DACH1: variants seen among roughly 807,000 people sequenced by gnomAD.
DACH1 encodes the protein dachshund family transcription factor 1.
DACH1 carries 12 observed loss-of-function variants against 54.2 expected under a neutral mutation model. That is an observed-to-expected ratio of 0.22 (90% CI 0.14 to 0.36). The LOEUF (loss-of-function observed/expected upper bound fraction) is 0.36, where lower values mean the gene tolerates loss of function less well. DACH1 is among the 10% of genes least tolerant of loss of function. DACH1 has a pLI of 1.00. For synonymous variants in DACH1, 386 were observed against 366.2 expected (o/e 1.05, Z -0.62); for missense variants, 805 against 929.8 (o/e 0.87, Z 1.75).
intron 1 of DACH1, among the ~76,000 whole-genome samples, chr13:71,724,529 A>G (rs1220687245): frequency 2.0e-5 from 3 of 152,178 alleles, no homozygotes; most frequent in South Asian, 2.1e-4. Flanking sequence ...AACTTGTTCA[A>G]AATAACTTGG....
intron 1 of DACH1, among the ~76,000 whole-genome samples, chr13:71,783,574 A>G (rs1333156992): frequency 6.6e-6 from 1 of 152,160 alleles, no homozygotes; most frequent in African/African-American, 2.4e-5. Context: ...GAACCAGAAT[A>G]CAGAAACGAT....
chr13:71,463,214 C>T (rs957032385), intron 10 of DACH1, among the ~76,000 whole-genome samples: 2 of 151,842 alleles, frequency 1.3e-5, no homozygotes, highest in African/African-American at 4.8e-5. Flanking sequence ...TCTGTATTGG[C>T]ATTTATTGTG....
At chr13:71,535,571 G>A (rs1274778325) in intron 6 of DACH1, among the ~76,000 whole-genome samples, 1 of 151,640 alleles carries the variant, frequency 6.6e-6, no homozygotes, top group African/African-American at 2.4e-5. Context: ...GGTTAAAAAA[G>A]GTTTAAATAA....
intron 1 of DACH1, among the ~76,000 whole-genome samples, chr13:71,864,749 C>A (rs1874601572): frequency 6.7e-6 from 1 of 149,398 alleles, no homozygotes; most frequent in South Asian, 2.2e-4. Context: ...CCCACTCCCG[C>A]CCCCTCTTGG....
intron 3 of DACH1, among the ~76,000 whole-genome samples, chr13:71,598,173 T>C (rs1198773485): frequency 1.3e-5 from 2 of 152,166 alleles, no homozygotes; most frequent in African/African-American, 2.4e-5. Flanking sequence ...TTTTGTTTCA[T>C]TGGACCACAG....
intron 6 of DACH1, among the ~76,000 whole-genome samples, chr13:71,550,980 T>C (rs951083727): frequency 6.6e-6 from 1 of 152,112 alleles, no homozygotes; most frequent in South Asian, 2.1e-4. Flanking sequence ...GGCCCTATAA[T>C]ATGTGTTAAC....
rs999914405 is a variant in DACH1 at position 71,674,201 on chromosome 13, C to G, written c.964+7594G>C. On this transcript the variant is annotated intron_variant, in intron 2 of 10. Transcript: ENST00000613252. Reference sequence around the variant, plus strand: ...TTCTGTGTGCATATCTACCATACCCCACCTGGACTTCTCATAATACTTAGC... The same window carrying G: ...TTCTGTGTGCATATCTACCATACCCGACCTGGACTTCTCATAATACTTAGC... Among the ~76,000 whole-genome samples the G allele has an allele frequency of 3.9e-5, 6 of 152,136 alleles. No individual in the cohort carries two copies. In the South Asian group the frequency reaches 6.2e-4, roughly 16 times the overall value.
At chr13:71,661,121 C>T (rs920372263) in intron 2 of DACH1, among the ~76,000 whole-genome samples, 33 of 150,904 alleles carry the variant, frequency 2.2e-4, no homozygotes, top group Admixed American at 4.0e-4. Context: ...CAAAGAATAA[C>T]AGTAATACTA....
At chr13:71,562,624 C>T (rs1276009275) in intron 4 of DACH1, among the ~76,000 whole-genome samples, 4 of 151,978 alleles carry the variant, frequency 2.6e-5, no homozygotes, top group Non-Finnish European at 5.9e-5. Context: ...GTTACTTTTC[C>T]AAGCTAACAA....
chr13:71,459,948 G>T (rs1566271962), intron 10 of DACH1, among the ~76,000 whole-genome samples: 1 of 151,914 alleles, frequency 6.6e-6, no homozygotes, highest in Non-Finnish European at 1.5e-5. Context: ...AAAGGTTTTT[G>T]CATTTTTTGT....
At chr13:71,573,349 T>C (rs1885332108) in intron 3 of DACH1, 8 of 698,014 alleles carry the variant, frequency 1.1e-5, no homozygotes, top group Non-Finnish European at 1.9e-5. Context: ...TATTATGTCC[T>C]ATTTTGCCAA....
chr13:71,501,428 C>T (rs554692132), intron 6 of DACH1, among the ~76,000 whole-genome samples: 3 of 152,024 alleles, frequency 2.0e-5, no homozygotes, highest in Non-Finnish European at 2.9e-5. Flanking sequence ...ATTTACCCAT[C>T]TTTAGAAAAT....
chr13:71,531,152 A>G lies in DACH1; in HGVS notation c.1570+25872T>C, dbSNP rs371900449. ...ATTCTGTCAATATGAACATTTACAC[A>G]TATCTTATTAGGAGGAGAGTATTCC... On this transcript the variant is annotated intron_variant, in intron 6 of 10. Transcript: ENST00000613252. Among the ~76,000 whole-genome samples, 20 of 152,274 alleles carry G rather than the reference A, an allele frequency of 1.3e-4. No homozygotes were observed. In the South Asian group the frequency reaches 3.9e-3, roughly 30 times the overall value.
intron 1 of DACH1, among the ~76,000 whole-genome samples, chr13:71,757,187 T>C (rs1235951919): frequency 6.6e-6 from 1 of 152,170 alleles, no homozygotes. Context: ...ATGCATTCAA[T>C]TAAATGTTAA....
intron 1 of DACH1, among the ~76,000 whole-genome samples, chr13:71,854,250 G>C (rs1231274511): frequency 4.6e-5 from 7 of 151,910 alleles, no homozygotes; most frequent in Admixed American, 4.6e-4. Flanking sequence ...TTTTTGGCTA[G>C]ATGTTTATAG....
At chr13:71,542,875 A>G (rs1396538744) in intron 6 of DACH1, among the ~76,000 whole-genome samples, 1 of 152,184 alleles carries the variant, frequency 6.6e-6, no homozygotes, top group Non-Finnish European at 1.5e-5. Flanking sequence ...TTCAATTTAA[A>G]CAATAAGTGA....
intron 6 of DACH1, among the ~76,000 whole-genome samples, chr13:71,497,476 T>C (rs1310051350): frequency 1.3e-5 from 2 of 151,858 alleles, no homozygotes; most frequent in African/African-American, 4.8e-5. Context: ...GGGTTACAGA[T>C]ATGGGCCACC....
chr13:71,668,798 G>A (rs902438556), intron 2 of DACH1, among the ~76,000 whole-genome samples: 6 of 151,886 alleles, frequency 4.0e-5, no homozygotes, highest in South Asian at 2.1e-4. Context: ...GGTGATGGGC[G>A]CCTGTAATCC....
chr13:71,655,861 T>C (rs937076272), intron 2 of DACH1, among the ~76,000 whole-genome samples: 3 of 152,184 alleles, frequency 2.0e-5, no homozygotes, highest in South Asian at 2.1e-4. Context: ...AAGAAAACTT[T>C]ATTTACAAAA....
Sources: gnomAD v4.1 joint callset for allele counts (sites outside exome capture counted in the v4.1 genomes callset) on GRCh38, gnomAD v4.1.1 for gene constraint, MANE v1.5 for transcripts, NCBI Gene and HGNC (gene_info 2026-07-23, HGNC 2026-07-21) for gene names.